The following EPHA6 variants were observed in gnomAD, a reference collection of about 807,000 sequenced individuals.
The protein encoded by EPHA6 is ephrin type-A receptor 6.
A neutral mutation model predicts 112.0 loss-of-function variants in EPHA6; 50 were observed. The observed-to-expected ratio is 0.45, with a 90% CI of 0.36 to 0.56. EPHA6 has a LOEUF of 0.56. EPHA6 is among the 20% of genes least tolerant of loss of function. The probability of loss-of-function intolerance (pLI) is 0.00; values close to 1 mark genes in which losing one functional copy is unlikely to be tolerated. For synonymous variants in EPHA6, 529 were observed against 490.7 expected, an observed-to-expected ratio of 1.08 and a Z score of -1.03; for missense variants, 1,280 against 1,417.4, an observed-to-expected ratio of 0.90 and a Z score of 1.56.
chr3:97,296,068 G>A (rs2080864550), intron 5 of EPHA6, among the ~76,000 whole-genome samples: 2 of 152,154 alleles, frequency 1.3e-5, no homozygotes, highest in Admixed American at 6.5e-5. Context: ...TGGGTCCTAG[G>A]TCCTCTAGAC....
At chr3:97,602,100 G>T (rs185385628) in intron 12 of EPHA6, among the ~76,000 whole-genome samples, 6 of 152,042 alleles carry the variant, frequency 3.9e-5, no homozygotes, top group African/African-American at 1.4e-4. Context: ...ATATAACATT[G>T]CTGCTCTTTA....
intron 3 of EPHA6, among the ~76,000 whole-genome samples, chr3:97,057,858 T>G (rs1238127222): frequency 1.3e-5 from 2 of 152,182 alleles, no homozygotes; most frequent in African/African-American, 4.8e-5. Context: ...ATTTAGACCC[T>G]TATCCTTTAT....
chr3:97,662,965 G>T (rs977906411), intron 14 of EPHA6, among the ~76,000 whole-genome samples: 1 of 152,152 alleles, frequency 6.6e-6, no homozygotes, highest in African/African-American at 2.4e-5. Context: ...CAGGCAACAA[G>T]ATCTGGGAAG....
chr3:97,237,194 T>TA (rs2078704461), intron 4 of EPHA6, among the ~76,000 whole-genome samples: 1 of 150,890 alleles, frequency 6.6e-6, no homozygotes, highest in Non-Finnish European at 1.5e-5. Context: ...TTTTTTTTTT[T>TA]ACCTCAAGCA....
chr3:97,187,585 A>C (rs909686269), intron 3 of EPHA6, among the ~76,000 whole-genome samples: 1 of 150,000 alleles, frequency 6.7e-6, no homozygotes, highest in Non-Finnish European at 1.5e-5. Context: ...AAAACGTCAA[A>C]AAAAAAAAAA....
At chr3:97,590,673 A>G (rs762650995) in intron 11 of EPHA6, among the ~76,000 whole-genome samples, 3 of 152,102 alleles carry the variant, frequency 2.0e-5, no homozygotes, top group Non-Finnish European at 2.9e-5. Context: ...GTTTCCTATT[A>G]CTTGGCTTCA....
chr3:96,826,344 T>C (rs2033657310), intron 1 of EPHA6, among the ~76,000 whole-genome samples: 1 of 152,058 alleles, frequency 6.6e-6, no homozygotes, highest in African/African-American at 2.4e-5. Flanking sequence ...ACTTGTGATA[T>C]AGATCCCATT....
intron 2 of EPHA6, among the ~76,000 whole-genome samples, chr3:96,870,370 G>A (rs1576193934): frequency 6.6e-6 from 1 of 152,016 alleles, no homozygotes; most frequent in South Asian, 2.1e-4. Flanking sequence ...GACAGATGTC[G>A]CAGCTTAAGA....
rs572986676 is a variant in EPHA6, at chr3:96,913,890, C to T, written c.450+47001C>T. ...TAAAAAACATTTATTGAGGGCCTAT[C>T]TGTGCCAAGAATTATAACTGAACCT... On this transcript the variant is annotated intron_variant, in intron 2 of 17. Coordinates refer to ENST00000389672, the MANE Select transcript of EPHA6 (RefSeq NM_001080448.3). Among the ~76,000 whole-genome samples, 37 of 152,250 alleles carry T rather than the reference C, an allele frequency of 2.4e-4. No homozygotes were observed. The Middle Eastern group carries it at 0.031, about 126-fold the overall frequency.
chr3:97,208,618 A>G (rs1272470349), intron 3 of EPHA6, among the ~76,000 whole-genome samples: 1 of 152,026 alleles, frequency 6.6e-6, no homozygotes, highest in Non-Finnish European at 1.5e-5. Flanking sequence ...ATGGTGGTGC[A>G]TGCCTGTAGC....
At chr3:97,562,125 G>A (rs766549423) in intron 11 of EPHA6, among the ~76,000 whole-genome samples, 27 of 152,092 alleles carry the variant, frequency 1.8e-4, no homozygotes, top group Non-Finnish European at 2.9e-4. Flanking sequence ...TTATTTTCGT[G>A]CCTGCTTAGA....
intron 1 of EPHA6, among the ~76,000 whole-genome samples, chr3:96,837,643 G>A (rs1232659370): frequency 6.6e-6 from 1 of 151,914 alleles, no homozygotes; most frequent in Non-Finnish European, 1.5e-5. Flanking sequence ...TTTTCAGTAC[G>A]ATGTCTTTAA....
intron 3 of EPHA6, among the ~76,000 whole-genome samples, chr3:97,088,938 G>C (rs6801624): frequency 0.085 from 12,958 of 152,110 alleles, 873 homozygotes; most frequent in Admixed American, 0.21. Flanking sequence ...TTTGGGAAAA[G>C]AGCATCTTTC....
chr3:97,389,186 T>G (rs1309025416), intron 5 of EPHA6, among the ~76,000 whole-genome samples: 1 of 152,286 alleles, frequency 6.6e-6, no homozygotes, highest in East Asian at 1.9e-4. Flanking sequence ...AAGAACATGA[T>G]AAGAATTAAA....
intron 5 of EPHA6, among the ~76,000 whole-genome samples, chr3:97,306,747 G>A (rs2081337483): frequency 1.3e-5 from 2 of 151,744 alleles, no homozygotes; most frequent in African/African-American, 4.8e-5. Flanking sequence ...TTGGTTTATA[G>A]GACTAGGCAC....
At chr3:97,082,026 T>A (rs2046737313) in intron 3 of EPHA6, among the ~76,000 whole-genome samples, 1 of 151,746 alleles carries the variant, frequency 6.6e-6, no homozygotes, top group Non-Finnish European at 1.5e-5. Flanking sequence ...AAAAATTGTC[T>A]TTGTTTTTTA....
At chr3:97,171,723 G>T (rs559622433) in intron 3 of EPHA6, among the ~76,000 whole-genome samples, 7 of 151,970 alleles carry the variant, frequency 4.6e-5, no homozygotes, top group Non-Finnish European at 1.0e-4. Flanking sequence ...TTCAATTAGA[G>T]ACATAATAAG....
chr3:97,415,862 A>G (rs539953503), intron 6 of EPHA6, among the ~76,000 whole-genome samples: 1 of 152,200 alleles, frequency 6.6e-6, no homozygotes, highest in Admixed American at 6.6e-5. Flanking sequence ...CATTGGTTGA[A>G]TTTGTTTGTT....
At chr3:97,437,179 T>C (rs184464968) in intron 6 of EPHA6, among the ~76,000 whole-genome samples, 1 of 152,250 alleles carries the variant, frequency 6.6e-6, no homozygotes, top group East Asian at 1.9e-4. Context: ...GTATACAACA[T>C]GATGTTATGG....
Sources: gnomAD v4.1 joint callset for allele counts (sites outside exome capture counted in the v4.1 genomes callset) on GRCh38, gnomAD v4.1.1 for gene constraint, MANE v1.5 for transcripts, NCBI Gene and HGNC (gene_info 2026-07-23, HGNC 2026-07-21) for gene names.